Variants in GATA2 observed in about 807,000 individuals in gnomAD.
The protein encoded by GATA2 is endothelial transcription factor GATA-2.
A neutral mutation model predicts 35.7 loss-of-function variants in GATA2; 6 were observed. The observed-to-expected ratio is 0.17, with a 90% confidence interval of 0.09 to 0.33. GATA2 has a LOEUF of 0.33. Among genes scored for constraint, GATA2 ranks in the 10% least tolerant of loss-of-function variants. GATA2 has a pLI of 1.00. For synonymous variants in GATA2, 313 were observed against 274.9 expected (o/e 1.14, Z -1.37); for missense variants, 541 against 656.6 (o/e 0.82, Z 1.92).
chr3:128,484,094 A>G (rs955332410), intron 3 of GATA2, 89 bp from the exon 4 acceptor site: 26 of 1,527,032 alleles, frequency 1.7e-5, no homozygotes, highest in South Asian at 2.4e-5. Flanking sequence ...CCAGCCGAGC[A>G]GTGCCGGTGC....
chr3:128,485,468 G>A (rs2068681955), intron 3 of GATA2, among the ~76,000 whole-genome samples: 1 of 152,172 alleles, frequency 6.6e-6, no homozygotes, highest in South Asian at 2.1e-4. Context: ...TCTATGTTCT[G>A]GTCAGGCAGT....
rs2107667935 is a variant in GATA2 at position 128,481,190 on chromosome 3, C to T, written c.1272G>A (p.Lys424=). The T allele has an allele frequency of 6.2e-7, 1 of 1,614,224 alleles. No homozygotes were observed. The change falls in exon 6 of 6, where the codon AAG becomes AAA. Residue 424 remains lysine (K), a synonymous_variant. Transcript: ENST00000341105. The part of the protein sequence containing the change: ...FEELSKCMQE[K]SSPFSAAALA... ...GGGCAGCTGCACTGAAGGGGGATGA[C>T]TTCTCCTGCATGCACTTTGACAGCT...
At chr3:128,482,214 C>G in intron 4 of GATA2, 1 of 509,342 alleles carries the variant, frequency 2.0e-6, no homozygotes, top group Non-Finnish European at 3.5e-6. Flanking sequence ...AGCTACCTCC[C>G]CCAACTACCC....
At chr3:128,482,013 G>C in intron 4 of GATA2, 69 bp from the exon 5 acceptor site, 1 of 1,587,702 alleles carries the variant, frequency 6.3e-7, no homozygotes, top group Non-Finnish European at 8.6e-7. Context: ...CCTGACCCTC[G>C]CTCCACCCCC....
At chr3:128,483,776 C>A in intron 4 of GATA2, 84 bp downstream of exon 4, 4 of 1,556,884 alleles carry the variant, frequency 2.6e-6, no homozygotes, top group Middle Eastern at 1.7e-4. Flanking sequence ...AAAGCGTCTG[C>A]ATTTGAAGGA....
intron 1 of GATA2, among the ~76,000 whole-genome samples, chr3:128,487,398 C>A (rs904106732): frequency 6.6e-6 from 1 of 152,162 alleles, no homozygotes; most frequent in African/African-American, 2.4e-5. Context: ...ACTGAGCCCC[C>A]CCGCCCGGTA....
rs745497331 is a variant in GATA2, at chr3:128,485,901, G to C, written c.697C>G (p.Leu233Val). The part of the protein sequence containing the change: ...MESGSPLRPG[L>V]ATMGTQPATH... ...GCAGGCTGGGTGCCCATAGTAGCTA[G>C]GCCTGGGCGCAGGGGACTGCCACTT... Residue 233 changes from leucine (L) to valine (V), a missense_variant, in exon 3 of 6, where the codon CTA becomes GTA. Physicochemically the swap from Leu to Val is conservative, Grantham distance 32. Coordinates refer to ENST00000341105, the MANE Select transcript of GATA2 (RefSeq NM_032638.5). The C allele has an allele frequency of 6.2e-7, 1 of 1,614,146 alleles. No individual in the cohort carries two copies. The highest frequency in any genetic ancestry group is 1.7e-5 in the Admixed American group (1 of 60,030).
chr3:128,486,693 G>A (rs1224147635), intron 2 of GATA2, 110 bp downstream of exon 2: 2 of 1,154,634 alleles, frequency 1.7e-6, no homozygotes, highest in African/African-American at 1.5e-5. Context: ...TTTTTCAGCA[G>A]CTCGATTCCT....
intron 5 of GATA2, 107 bp from the exon 6 acceptor site, chr3:128,481,425 AAGCCAGGAAT>A: frequency 7.8e-7 from 1 of 1,286,096 alleles, no homozygotes. Flanking sequence ...GGGTCCCAGG[AAGCCAGGAAT>A]TGTGCCCGAC....
chr3:128,491,702 G>A (rs1005398618), intron 1 of GATA2, among the ~76,000 whole-genome samples: 11 of 152,244 alleles, frequency 7.2e-5, no homozygotes, highest in African/African-American at 2.4e-4. Context: ...GGGAATCGTA[G>A]AGTCTGTGGC....
rs2068696629 is a variant in GATA2, at chr3:128,486,190, G to A, written c.408C>T (p.Gly136=). Reference sequence around the variant, plus strand: ...CAGCCCCTGGGTACACAGAGAGTGGGCCTCCAGGGCCTCCAGCAGCTGAGG... The same window carrying A: ...CAGCCCCTGGGTACACAGAGAGTGGACCTCCAGGGCCTCCAGCAGCTGAGG... ...LHPSAAGGPG[G]PLSVYPGAGG... Residue 136 remains glycine, a synonymous_variant, in exon 3 of 6, where the codon GGC becomes GGT. Coordinates refer to ENST00000341105, the MANE Select transcript of GATA2 (RefSeq NM_032638.5). 3 of 1,559,938 alleles carry A rather than the reference G, an allele frequency of 1.9e-6. No individual in the cohort carries two copies. Among genetic ancestry groups the A allele is most frequent in the Non-Finnish European group, 2.6e-6 (3 of 1,152,412 alleles).
chr3:128,480,896 G>A lies in GATA2; in HGVS notation c.*123C>T, dbSNP rs1410017466. On this transcript the variant is annotated 3_prime_UTR_variant, in exon 6 of 6. Transcript: ENST00000341105. ...TGGCAGGCTGCTGGGCGCCCTCCAG[G>A]AGAGGGGGTGCTGGGCCGAGCCGGG... 1.8e-6 allele frequency: 2 copies of A among 1,138,676 alleles called. No individual in the cohort carries two copies. Among genetic ancestry groups the A allele is most frequent in the Admixed American group, 2.9e-5 (1 of 34,380 alleles). The allele number at this position is 1,138,676 out of a possible 1,614,324, so 70.5% of individuals were successfully genotyped here.
At chr3:128,490,648 CA>C (rs1390701775) in intron 1 of GATA2, 1 of 152,240 alleles carries the variant, frequency 6.6e-6, no homozygotes, top group Non-Finnish European at 1.5e-5. Context: ...CCGCGCTCGA[CA>C]ATGTCTGTGT....
Position 128,486,954 on chromosome 3 carries a change from G to A in GATA2, c.78C>T (p.His26=), listed in dbSNP as rs767260206. Reference sequence around the variant, plus strand: ...CCATGTAGTTGTGCGCCAGGCCCGGGTGGTGTGAGTCGGGGTGCTGCGCAT... The same window carrying A: ...CCATGTAGTTGTGCGCCAGGCCCGGATGGTGTGAGTCGGGGTGCTGCGCAT... The part of the protein sequence containing the change: ...VLNAQHPDSH[H]PGLAHNYMEP... The change falls in exon 2 of 6, where the codon CAC becomes CAT. Residue 26 remains histidine, a synonymous_variant. Coordinates refer to ENST00000341105, the MANE Select transcript of GATA2 (RefSeq NM_032638.5). The A allele has an allele frequency of 6.2e-7, 1 of 1,612,586 alleles. No homozygotes were observed. Among genetic ancestry groups the A allele is most frequent in the Non-Finnish European group, 8.5e-7 (1 of 1,179,438 alleles).
intron 1 of GATA2, 124 bp from the exon 2 acceptor site, chr3:128,487,200 G>A (rs1469734449): frequency 3.3e-6 from 2 of 612,306 alleles, no homozygotes; most frequent in Non-Finnish European, 2.8e-6. Flanking sequence ...CACCAGTCCC[G>A]GGTGGGAGGA....
At chr3:128,483,077 C>G (rs1174787188) in intron 4 of GATA2, among the ~76,000 whole-genome samples, 1 of 152,368 alleles carries the variant, frequency 6.6e-6, no homozygotes, top group Non-Finnish European at 1.5e-5. Flanking sequence ...TACCCCCACC[C>G]GGGCCTCACC....
At position 128,486,165 on chromosome 3, in the gene GATA2, C is replaced by T. The variant is rs2107672664; in HGVS notation, c.433G>A (p.Gly145Arg). The change falls in exon 3 of 6, where the codon GGG becomes AGG. Residue 145 changes from glycine to arginine, a missense_variant. Physicochemically the swap from Gly to Arg is moderately radical, Grantham distance 125. This residue lies in a region of GATA2 where 389 missense variants were observed against 396.9 expected (regional missense o/e 0.98). Transcript: ENST00000341105. ...CCGCTGCCTCCCCCGCTCCCACCCC[C>T]AGCCCCTGGGTACACAGAGAGTGGG... is the stretch of plus-strand genomic sequence containing the variant. ...GGPLSVYPGA[G>R]GGSGGGSGSS... 1 of 1,570,622 alleles carries T rather than the reference C, an allele frequency of 6.4e-7. No individual in the cohort carries two copies. Among genetic ancestry groups the T allele is most frequent in the Non-Finnish European group, 8.6e-7 (1 of 1,158,296 alleles).
chr3:128,480,833 G>T lies in GATA2; in HGVS notation c.*186C>A, dbSNP rs1005046552. 34 of 649,528 alleles carry T rather than the reference G, an allele frequency of 5.2e-5. No individual in the cohort carries two copies. Among genetic ancestry groups the T allele is most frequent in the Admixed American group, 1.6e-4 (5 of 32,018 alleles). The allele number at this position is 649,528 out of a possible 1,614,324, so 40.2% of individuals were successfully genotyped here. Reference sequence around the variant, plus strand: ...ACCTGGGCAGCGGTCAGGTGCGGAGGCAGCCTCTCAGCGGTGGGGAACATT... The same window carrying T: ...ACCTGGGCAGCGGTCAGGTGCGGAGTCAGCCTCTCAGCGGTGGGGAACATT... On this transcript the variant is annotated 3_prime_UTR_variant, in exon 6 of 6. Coordinates refer to ENST00000341105, the MANE Select transcript of GATA2 (RefSeq NM_032638.5).
Position 128,480,845 on chromosome 3 carries a change from C to T in GATA2, c.*174G>A, listed in dbSNP as rs373617135. 7.0e-5 allele frequency: 49 copies of T among 700,146 alleles called. No individual in the cohort carries two copies. The highest frequency in any genetic ancestry group is 4.1e-4 in the Middle Eastern group (1 of 2,462). The allele number at this position is 700,146 out of a possible 1,614,324, so 43.4% of individuals were successfully genotyped here. A position where few individuals can be genotyped will look rare whatever the true frequency, so the allele number is the denominator to read the frequency against. ...GTCAGGTGCGGAGGCAGCCTCTCAGCGGTGGGGAACATTCACAGTAACTGC... is the reference window on the plus strand; with the variant it reads ...GTCAGGTGCGGAGGCAGCCTCTCAGTGGTGGGGAACATTCACAGTAACTGC... On this transcript the variant is annotated 3_prime_UTR_variant, in exon 6 of 6. Transcript: ENST00000341105.
Sources: allele counts gnomAD v4.1 joint callset (sites outside exome capture counted in the v4.1 genomes callset), GRCh38; gene constraint gnomAD v4.1.1; regional missense constraint gnomAD v4.1.1; transcripts MANE v1.5; gene names NCBI Gene and HGNC (gene_info 2026-07-23, HGNC 2026-07-21).